TBC1D23: variants seen among roughly 807,000 people sequenced by gnomAD.
The protein encoded by TBC1D23 is HCV non-structural protein 4A-transactivated protein 1.
TBC1D23 carries 55 observed loss-of-function variants against 91.4 expected under a neutral mutation model. The observed-to-expected ratio is 0.60, with a 90% CI of 0.48 to 0.75. The LOEUF (loss-of-function observed/expected upper bound fraction) is 0.75, where lower values mean the gene tolerates loss of function less well. Among genes scored for constraint, TBC1D23 ranks in the 30% least tolerant of loss-of-function variants. TBC1D23 has a pLI of 0.00. For synonymous variants in TBC1D23, 289 were observed against 281.0 expected, an observed-to-expected ratio of 1.03 and a Z score of -0.28; for missense variants, 725 against 836.1, an observed-to-expected ratio of 0.87 and a Z score of 1.64.
chr3:100,313,249 C>T (rs944074686), intron 15 of TBC1D23, among the ~76,000 whole-genome samples: 1 of 152,106 alleles, frequency 6.6e-6, no homozygotes, highest in Admixed American at 6.5e-5. Flanking sequence ...TTTTTTTCAA[C>T]TCCCAAGTTC....
In TBC1D23 at chr3:100,311,893, G is replaced by C. The variant is rs1705632029; in HGVS notation, c.1598+16G>C. 1 of 1,523,748 alleles carries C rather than the reference G, an allele frequency of 6.6e-7. No homozygotes were observed. The highest frequency in any genetic ancestry group is 1.4e-5 in the African/African-American group (1 of 72,732). The allele number at this position is 1,523,748 out of a possible 1,614,324, so 94.4% of individuals were successfully genotyped here. A position where few individuals can be genotyped will look rare whatever the true frequency, so the allele number is the denominator to read the frequency against. On this transcript the variant is annotated intron_variant, in intron 15 of 18. Coordinates refer to ENST00000394144, the MANE Select transcript of TBC1D23 (RefSeq NM_001199198.3). ...GTACAGAGCGGTAAGCCAATGAGTA[G>C]AGCATTTTTCTTGAACCATCCTTTT...
intron 1 of TBC1D23, among the ~76,000 whole-genome samples, chr3:100,264,507 A>C (rs2067542754): frequency 6.6e-6 from 1 of 152,222 alleles, no homozygotes; most frequent in Non-Finnish European, 1.5e-5. Flanking sequence ...TTTATGTTCT[A>C]GATACAGGAG....
chr3:100,308,964 T>TAATC (rs1211852696), intron 13 of TBC1D23, among the ~76,000 whole-genome samples: 1 of 152,216 alleles, frequency 6.6e-6, no homozygotes, highest in African/African-American at 2.4e-5. Flanking sequence ...CTCATGCTTG[T>TAATC]AATCCCAGCA....
At chr3:100,278,840 T>C (rs753702802) in intron 1 of TBC1D23, among the ~76,000 whole-genome samples, 1 of 152,260 alleles carries the variant, frequency 6.6e-6, no homozygotes, top group Non-Finnish European at 1.5e-5. Flanking sequence ...GGTAATTTAC[T>C]TGATGATGTG....
chr3:100,320,957 C>T lies in TBC1D23; in HGVS notation c.2004C>T (p.Ile668=). The T allele has an allele frequency of 6.3e-7, 1 of 1,594,946 alleles. No homozygotes were observed. Among genetic ancestry groups the T allele is most frequent in the Non-Finnish European group, 8.5e-7 (1 of 1,173,758 alleles). Reference sequence around the variant, plus strand: ...ATAGCAGTGCTTCAGGAATAGAAATCTTGGCAATCGAAAGGTAAGATTTTC... The same window carrying T: ...ATAGCAGTGCTTCAGGAATAGAAATTTTGGCAATCGAAAGGTAAGATTTTC... ...YGNSSASGIE[I]LAIERYLIPN... The change falls in exon 18 of 19, where the codon ATC becomes ATT. Residue 668 remains isoleucine (I), a synonymous_variant. Transcript: ENST00000394144.
chr3:100,278,821 A>G (rs1439082310), intron 1 of TBC1D23, among the ~76,000 whole-genome samples: 1 of 152,236 alleles, frequency 6.6e-6, no homozygotes, highest in Non-Finnish European at 1.5e-5. Context: ...AGACTGAACA[A>G]AACTGCTTGG....
At chr3:100,267,969 G>C (rs895084463) in intron 1 of TBC1D23, among the ~76,000 whole-genome samples, 1 of 152,088 alleles carries the variant, frequency 6.6e-6, no homozygotes, top group Admixed American at 6.5e-5. Flanking sequence ...TCAGGAGTTC[G>C]AGACCATCCT....
In TBC1D23 at chr3:100,281,809, A is replaced by G; in HGVS notation, c.233A>G (p.Glu78Gly). 1 of 1,612,300 alleles carries G rather than the reference A, an allele frequency of 6.2e-7. No homozygotes were observed. The highest frequency in any genetic ancestry group is 1.7e-5 in the Admixed American group (1 of 59,880). ...ASWDGILDLPEQNTIHKDCLQ... is the reference protein window; with the variant it reads ...ASWDGILDLPGQNTIHKDCLQ... Reference sequence around the variant, plus strand: ...TGGGATGGTATTTTAGACTTGCCAGAACAGAACACTATTCACAAAGATTGC... The same window carrying G: ...TGGGATGGTATTTTAGACTTGCCAGGACAGAACACTATTCACAAAGATTGC... The change falls in exon 3 of 19, where the codon GAA becomes GGA. Residue 78 changes from glutamate (E) to glycine (G), a missense_variant. Physicochemically the swap from Glu to Gly is moderately conservative, Grantham distance 98. Coordinates refer to ENST00000394144, the MANE Select transcript of TBC1D23 (RefSeq NM_001199198.3).
At chr3:100,302,797 G>A (rs1453041855) in intron 11 of TBC1D23, among the ~76,000 whole-genome samples, 2 of 152,098 alleles carry the variant, frequency 1.3e-5, no homozygotes, top group South Asian at 2.1e-4. Context: ...TGTTGGCCAG[G>A]CTGACATAGT....
At chr3:100,272,684 G>A (rs1221436680) in intron 1 of TBC1D23, among the ~76,000 whole-genome samples, 1 of 152,206 alleles carries the variant, frequency 6.6e-6, no homozygotes, top group East Asian at 1.9e-4. Flanking sequence ...ATTTTTGGGT[G>A]TTTCTCAGAG....
Position 100,323,681 on chromosome 3 carries a change from T to G in TBC1D23, c.*13T>G. 2.1e-6 allele frequency: 3 copies of G among 1,400,418 alleles called. No homozygotes were observed. The highest frequency in any genetic ancestry group is 2.9e-6 in the Non-Finnish European group (3 of 1,042,506). The allele number at this position is 1,400,418 out of a possible 1,614,324, so 86.7% of individuals were successfully genotyped here. A position where few individuals can be genotyped will look rare whatever the true frequency, so the allele number is the denominator to read the frequency against. On this transcript the variant is annotated 3_prime_UTR_variant, in exon 19 of 19. Coordinates refer to ENST00000394144, the MANE Select transcript of TBC1D23 (RefSeq NM_001199198.3). Reference sequence around the variant, plus strand: ...TTTGGAAAGTTAATATAAAAGAAAATTATATAAAAAGAAATTAAGACAACC... The same window carrying G: ...TTTGGAAAGTTAATATAAAAGAAAAGTATATAAAAAGAAATTAAGACAACC...
At chr3:100,307,838 T>C (rs1705540600) in intron 13 of TBC1D23, among the ~76,000 whole-genome samples, 1 of 152,252 alleles carries the variant, frequency 6.6e-6, no homozygotes, top group Non-Finnish European at 1.5e-5. Flanking sequence ...TTACAAACAC[T>C]ATTTAATTTT....
chr3:100,286,817 A>ATTAT (rs944984769), intron 4 of TBC1D23, among the ~76,000 whole-genome samples: 2 of 151,400 alleles, frequency 1.3e-5, no homozygotes, highest in Admixed American at 6.6e-5. Flanking sequence ...CTTCTTTTTA[A>ATTAT]TTATTTATTT....
intron 3 of TBC1D23, 113 bp from the exon 4 acceptor site, chr3:100,283,494 T>C: frequency 1.5e-6 from 1 of 648,900 alleles, no homozygotes; most frequent in Non-Finnish European, 2.7e-6. Flanking sequence ...AGTTTCACTT[T>C]GTCTTTCTCT....
At chr3:100,286,501 C>CTTTTTTTTTT (rs11370481) in intron 4 of TBC1D23, among the ~76,000 whole-genome samples, 1 of 146,364 alleles carries the variant, frequency 6.8e-6, no homozygotes. Flanking sequence ...AACATATCTT[C>CTTTTTTTTTT]TTTTTTTTTT....
In TBC1D23 at chr3:100,320,756, TA is replaced by T. The variant is rs1705841295; in HGVS notation, c.1824-19del. The T allele has an allele frequency of 1.4e-6, 2 of 1,415,432 alleles. No individual in the cohort carries two copies. The highest frequency in any genetic ancestry group is 1.9e-6 in the Non-Finnish European group (2 of 1,069,682). The allele number at this position is 1,415,432 out of a possible 1,614,324, so 87.7% of individuals were successfully genotyped here. ...ATTTACTTAAAAATTCTTTTTCTTT[TA>T]ATGCTTTTTTTGTCTCAAGTCATCT... On this transcript the variant is annotated intron_variant, in intron 17 of 18. Coordinates refer to ENST00000394144, the MANE Select transcript of TBC1D23 (RefSeq NM_001199198.3).
At chr3:100,323,549 A>G in intron 18 of TBC1D23, 38 bp from the exon 19 acceptor site, 6 of 970,172 alleles carry the variant, frequency 6.2e-6, no homozygotes, top group Middle Eastern at 3.7e-4. Context: ...ACATATGTAT[A>G]TATATATGTA....
rs894220749 is a variant in TBC1D23, at chr3:100,324,792, A to G, written c.*1124A>G. 7.2e-5 allele frequency: 11 copies of G among 152,226 alleles called. No homozygotes were observed. The highest frequency in any genetic ancestry group is 2.4e-4 in the African/African-American group (10 of 41,456). 9.4% of individuals were successfully genotyped at this position (152,226 alleles called of 1,614,324 possible). A position where few individuals can be genotyped will look rare whatever the true frequency, so the allele number is the denominator to read the frequency against. ...CCAGGAACACATTTAGGGCCATGGA[A>G]TAGTATTTTGTAAAATCCATTTGGG... On this transcript the variant is annotated 3_prime_UTR_variant, in exon 19 of 19. Transcript: ENST00000394144.
intron 9 of TBC1D23, among the ~76,000 whole-genome samples, chr3:100,298,562 G>A (rs1435441423): frequency 1.3e-5 from 2 of 152,156 alleles, no homozygotes; most frequent in African/African-American, 4.8e-5. Flanking sequence ...TATTTGGAAG[G>A]TGTAGTGTAT....
Sources: gnomAD v4.1 joint callset for allele counts (sites outside exome capture counted in the v4.1 genomes callset) on GRCh38, gnomAD v4.1.1 for gene constraint, MANE v1.5 for transcripts, NCBI Gene and HGNC (gene_info 2026-07-23, HGNC 2026-07-21) for gene names.